The following KCTD16 variants were observed in gnomAD, a reference collection of about 807,000 sequenced individuals.
KCTD16 encodes BTB/POZ domain-containing protein KCTD16.
KCTD16 carries 13 observed loss-of-function variants against 33.2 expected under a neutral mutation model. That is an observed-to-expected ratio of 0.39 (90% confidence interval 0.25 to 0.62). KCTD16 has a LOEUF of 0.62. Among genes scored for constraint, KCTD16 ranks in the 20% least tolerant of loss-of-function variants. KCTD16 has a pLI of 0.50. For synonymous variants in KCTD16, 197 were observed against 195.3 expected (o/e 1.01, Z -0.07); for missense variants, 441 against 525.1 (o/e 0.84, Z 1.57).
chr5:144,397,299 A>C (rs548633598), intron 3 of KCTD16, among the ~76,000 whole-genome samples: 12 of 152,192 alleles, frequency 7.9e-5, no homozygotes, highest in East Asian at 3.8e-4. Context: ...TATATGTGCC[A>C]CATTTTCTTA....
chr5:144,266,068 CG>C (rs34429519), intron 3 of KCTD16, among the ~76,000 whole-genome samples: 33,330 of 151,958 alleles, frequency 0.22, 4,038 homozygotes, highest in Non-Finnish European at 0.28. Flanking sequence ...TCTGGAATTG[CG>C]AAAACAGATT....
At chr5:144,354,169 A>T (rs576160283) in intron 3 of KCTD16, among the ~76,000 whole-genome samples, 2 of 152,282 alleles carry the variant, frequency 1.3e-5, no homozygotes, top group African/African-American at 2.4e-5. Context: ...CTCTAAAAAA[A>T]TTTTGTAACT....
chr5:144,295,710 C>T (rs1263236651), intron 3 of KCTD16, among the ~76,000 whole-genome samples: 1 of 152,152 alleles, frequency 6.6e-6, no homozygotes, highest in Non-Finnish European at 1.5e-5. Flanking sequence ...GTACAGACTT[C>T]TAGATAGGGA....
At chr5:144,457,465 G>A (rs1468550300) in intron 3 of KCTD16, among the ~76,000 whole-genome samples, 1 of 152,146 alleles carries the variant, frequency 6.6e-6, no homozygotes, top group Non-Finnish European at 1.5e-5. Context: ...CCCAGGTTAA[G>A]GGAGGAGGGG....
chr5:144,209,846 G>T (rs1395879897), intron 3 of KCTD16, among the ~76,000 whole-genome samples: 2 of 144,376 alleles, frequency 1.4e-5, no homozygotes, highest in Non-Finnish European at 3.0e-5. Flanking sequence ...ATATTTATAT[G>T]TGTATATATA....
At chr5:144,220,178 T>G (rs192045901) in intron 3 of KCTD16, among the ~76,000 whole-genome samples, 1 of 152,318 alleles carries the variant, frequency 6.6e-6, no homozygotes, top group Non-Finnish European at 1.5e-5. Context: ...ACTTCTCATT[T>G]TTCTGAGACC....
chr5:144,463,412 A>T (rs549420415), intron 3 of KCTD16, among the ~76,000 whole-genome samples: 35 of 152,336 alleles, frequency 2.3e-4, no homozygotes, highest in African/African-American at 8.4e-4. Flanking sequence ...GTCTTCTAAA[A>T]ACTTATTATT....
intron 3 of KCTD16, among the ~76,000 whole-genome samples, chr5:144,253,076 C>T (rs1193392888): frequency 2.0e-5 from 3 of 151,870 alleles, no homozygotes; most frequent in Non-Finnish European, 1.5e-5. Flanking sequence ...TAGATATATC[C>T]ATATGGAAAG....
chr5:144,224,975 G>C (rs2126807388), intron 3 of KCTD16, among the ~76,000 whole-genome samples: 1 of 152,230 alleles, frequency 6.6e-6, no homozygotes, highest in East Asian at 1.9e-4. Context: ...TTTAAGAAAA[G>C]TTCATAGGTT....
chr5:144,451,227 A>C (rs761949140), intron 3 of KCTD16, among the ~76,000 whole-genome samples: 2 of 152,170 alleles, frequency 1.3e-5, no homozygotes, highest in African/African-American at 4.8e-5. Flanking sequence ...TCCTTAATCC[A>C]AAAGACATCT....
chr5:144,319,269 G>A (rs1195783270), intron 3 of KCTD16, among the ~76,000 whole-genome samples: 1 of 151,984 alleles, frequency 6.6e-6, no homozygotes, highest in African/African-American at 2.4e-5. Context: ...TTTACATTTT[G>A]TAGATGAAGA....
chr5:144,351,196 C>CT (rs1751418873), intron 3 of KCTD16, among the ~76,000 whole-genome samples: 1 of 152,088 alleles, frequency 6.6e-6, no homozygotes, highest in Admixed American at 6.5e-5. Context: ...TCATCTTTCC[C>CT]TTTTTTATTC....
In KCTD16 at chr5:144,483,352, T is replaced by A. The variant is rs574880641; in HGVS notation, c.*9238T>A. On this transcript the variant is annotated 3_prime_UTR_variant, in exon 4 of 4. Transcript: ENST00000512467. ...GAGGGTTCCTGTGTCCCTACATGATTTATCGGTGGAGCTAATTATCTATTT... is the reference window on the plus strand; with the variant it reads ...GAGGGTTCCTGTGTCCCTACATGATATATCGGTGGAGCTAATTATCTATTT... 10 of 152,008 alleles carry A rather than the reference T, an allele frequency of 6.6e-5. No individual in the cohort carries two copies. Among genetic ancestry groups the A allele is most frequent in the African/African-American group, 2.2e-4 (9 of 41,510 alleles). 9.4% of individuals were successfully genotyped at this position (152,008 alleles called of 1,614,324 possible).
At chr5:144,374,819 C>T (rs1182040215) in intron 3 of KCTD16, among the ~76,000 whole-genome samples, 1 of 152,108 alleles carries the variant, frequency 6.6e-6, no homozygotes, top group Non-Finnish European at 1.5e-5. Context: ...ATTACCACAA[C>T]ATCTTTTCTC....
At chr5:144,212,543 G>T (rs1420755351) in intron 3 of KCTD16, among the ~76,000 whole-genome samples, 1 of 152,108 alleles carries the variant, frequency 6.6e-6, no homozygotes, top group South Asian at 2.1e-4. Flanking sequence ...TCTAATCAAA[G>T]AAATTAGAAA....
At chr5:144,392,415 C>A (rs976997727) in intron 3 of KCTD16, among the ~76,000 whole-genome samples, 2 of 152,162 alleles carry the variant, frequency 1.3e-5, no homozygotes, top group African/African-American at 4.8e-5. Context: ...AAGCTAAATG[C>A]AAAGTCATTG....
At chr5:144,311,422 A>G (rs1026822557) in intron 3 of KCTD16, among the ~76,000 whole-genome samples, 1 of 152,174 alleles carries the variant, frequency 6.6e-6, no homozygotes, top group African/African-American at 2.4e-5. Context: ...AATTTGTCCA[A>G]CTTTTGATCC....
At chr5:144,420,854 T>G (rs1458392070) in intron 3 of KCTD16, among the ~76,000 whole-genome samples, 2 of 152,164 alleles carry the variant, frequency 1.3e-5, no homozygotes, top group Non-Finnish European at 2.9e-5. Flanking sequence ...CAGATAACCC[T>G]CAGAATAACT....
At chr5:144,405,082 T>A (rs1752782168) in intron 3 of KCTD16, among the ~76,000 whole-genome samples, 1 of 152,240 alleles carries the variant, frequency 6.6e-6, no homozygotes, top group Non-Finnish European at 1.5e-5. Flanking sequence ...ACTATTATTT[T>A]CCTCATAGGG....
Sources: gnomAD v4.1 joint callset for allele counts (sites outside exome capture counted in the v4.1 genomes callset) on GRCh38, gnomAD v4.1.1 for gene constraint, MANE v1.5 for transcripts, NCBI Gene and HGNC (gene_info 2026-07-23, HGNC 2026-07-21) for gene names.